Variants in CRTC3 observed in about 807,000 individuals in gnomAD.
The protein encoded by CRTC3 is CREB-regulated transcription coactivator 3.
CRTC3 carries 26 observed loss-of-function variants against 74.5 expected under a neutral mutation model. The observed-to-expected ratio is 0.35, with a 90% confidence interval of 0.26 to 0.48. CRTC3 has a LOEUF of 0.48. Ranked by LOEUF, CRTC3 falls within the 20% of genes least tolerant of loss-of-function variation. The pLI, the probability that CRTC3 is intolerant of heterozygous loss-of-function variation, is 0.99. For synonymous variants in CRTC3, 377 were observed against 325.8 expected (o/e 1.16, Z -1.69); for missense variants, 760 against 787.3 (o/e 0.97, Z 0.41).
chr15:90,634,002 CTTTTT>C (rs963198390), intron 11 of CRTC3, among the ~76,000 whole-genome samples: 2 of 147,914 alleles, frequency 1.4e-5, no homozygotes, highest in South Asian at 2.2e-4. Context: ...TTTTAGTGGT[CTTTTT>C]TTTTCGAATT....
At chr15:90,619,889 G>A in intron 9 of CRTC3, 99 bp downstream of exon 9, 2 of 971,422 alleles carry the variant, frequency 2.1e-6, no homozygotes, top group Non-Finnish European at 3.2e-6. Flanking sequence ...AACGTAACTT[G>A]CTATGCATAA....
At position 90,642,187 on chromosome 15, in the gene CRTC3, T is replaced by C. The variant is rs1288231838; in HGVS notation, c.*47T>C. ...GAATGTTTTTCTGCAACAGCCAAAA[T>C]AGAATGGAATAGAATGAAGCCAGCT... is the stretch of plus-strand genomic sequence containing the variant. On this transcript the variant is annotated 3_prime_UTR_variant, in exon 15 of 15. Transcript: ENST00000268184. The C allele has an allele frequency of 5.3e-6, 8 of 1,509,676 alleles. No individual in the cohort carries two copies. The South Asian group carries it at 5.7e-5, about 11-fold the overall frequency. 93.5% of individuals were successfully genotyped at this position (1,509,676 alleles called of 1,614,324 possible). A position where few individuals can be genotyped will look rare whatever the true frequency, so the allele number is the denominator to read the frequency against.
At chr15:90,632,856 C>T (rs966250720) in intron 11 of CRTC3, among the ~76,000 whole-genome samples, 7 of 152,204 alleles carry the variant, frequency 4.6e-5, no homozygotes, top group African/African-American at 9.6e-5. Context: ...CTGCCCGCCT[C>T]GGCGTCCCAA....
intron 6 of CRTC3, among the ~76,000 whole-genome samples, chr15:90,613,234 C>T (rs550015920): frequency 9.3e-5 from 14 of 151,170 alleles, no homozygotes; most frequent in Non-Finnish European, 1.9e-4. Flanking sequence ...CCGACTCTCA[C>T]ACCTTCTGAA....
At chr15:90,618,206 TAAA>T in intron 8 of CRTC3, 5 of 161,730 alleles carry the variant, frequency 3.1e-5, no homozygotes, top group South Asian at 1.9e-4. Flanking sequence ...TTGACTTATT[TAAA>T]AAAAAAAAAA....
chr15:90,604,873 C>G (rs1356212298), intron 5 of CRTC3, among the ~76,000 whole-genome samples: 1 of 151,974 alleles, frequency 6.6e-6, no homozygotes, highest in Non-Finnish European at 1.5e-5. Context: ...TTTTTCAATC[C>G]TGACAACACC....
chr15:90,549,355 C>G (rs531131943), intron 2 of CRTC3, among the ~76,000 whole-genome samples: 2 of 151,752 alleles, frequency 1.3e-5, no homozygotes, highest in African/African-American at 4.8e-5. Context: ...CAAATAAATT[C>G]TCAGTAAATT....
At chr15:90,590,815 A>C (rs1466468555) in intron 2 of CRTC3, among the ~76,000 whole-genome samples, 1 of 152,256 alleles carries the variant, frequency 6.6e-6, no homozygotes, top group Non-Finnish European at 1.5e-5. Context: ...AGATTAGGCC[A>C]CAGTGAAGAA....
At chr15:90,610,202 T>C (rs962911570) in intron 6 of CRTC3, among the ~76,000 whole-genome samples, 5 of 152,266 alleles carry the variant, frequency 3.3e-5, no homozygotes, top group Non-Finnish European at 5.9e-5. Flanking sequence ...TTTAAAACTA[T>C]CAACTGGCTT....
intron 3 of CRTC3, among the ~76,000 whole-genome samples, chr15:90,599,761 A>G (rs1163589248): frequency 6.6e-6 from 1 of 152,220 alleles, no homozygotes; most frequent in Non-Finnish European, 1.5e-5. Flanking sequence ...CCAGCGTTTG[A>G]TGATTACGTG....
At chr15:90,635,440 T>C (rs1306689872) in intron 11 of CRTC3, among the ~76,000 whole-genome samples, 1 of 151,920 alleles carries the variant, frequency 6.6e-6, no homozygotes, top group Non-Finnish European at 1.5e-5. Flanking sequence ...AGGTCAGGAG[T>C]TCGAGACCAG....
intron 10 of CRTC3, among the ~76,000 whole-genome samples, chr15:90,627,458 C>G (rs969006310): frequency 6.6e-6 from 1 of 152,118 alleles, no homozygotes; most frequent in African/African-American, 2.4e-5. Flanking sequence ...AAAGCAGCAT[C>G]AGCACATAGC....
rs146273285 is a variant in CRTC3 at position 90,579,634 on chromosome 15, C to CTTTTTTTT, written c.232-13984_232-13977dup. Among the ~76,000 whole-genome samples the CTTTTTTTT allele has an allele frequency of 7.5e-3, 634 of 84,164 alleles. 52 individuals carry two copies. The highest frequency in any genetic ancestry group is 0.015 in the African/African-American group (310 of 21,148). The allele number at this position is 84,164 out of a possible 152,430, so 55.2% of individuals were successfully genotyped here. A position where few individuals can be genotyped will look rare whatever the true frequency, so the allele number is the denominator to read the frequency against. ...GATTACATGGAGTAAACGTATTTCA[C>CTTTTTTTT]TTTTTTTTTTTTTTTTTTTTTTTTT... On this transcript the variant is annotated intron_variant, in intron 2 of 14. Transcript: ENST00000268184.
At chr15:90,632,165 A>G (rs1969062995) in intron 11 of CRTC3, among the ~76,000 whole-genome samples, 1 of 150,786 alleles carries the variant, frequency 6.6e-6, no homozygotes, top group Non-Finnish European at 1.5e-5. Context: ...TTATTGAATT[A>G]CCTTTAATTT....
chr15:90,627,136 G>C (rs11856388), intron 10 of CRTC3, among the ~76,000 whole-genome samples: 30,758 of 152,180 alleles, frequency 0.2, 3,212 homozygotes, highest in African/African-American at 0.26. Flanking sequence ...TCCCCTTCAG[G>C]GGGGGTCACC....
rs940327182 is a variant in CRTC3, at chr15:90,642,541, G to A, written c.*401G>A. The A allele has an allele frequency of 6.6e-5, 21 of 318,604 alleles. No individual in the cohort carries two copies. Among genetic ancestry groups the A allele is most frequent in the South Asian group, 2.1e-4 (4 of 19,132 alleles). The allele number at this position is 318,604 out of a possible 1,614,324, so 19.7% of individuals were successfully genotyped here. A position where few individuals can be genotyped will look rare whatever the true frequency, so the allele number is the denominator to read the frequency against. ...CTCCGTCCGCACCGAAGGCGGGCCC[G>A]GAGTGGGAGGCTCGGCCTGGGGCGG... On this transcript the variant is annotated 3_prime_UTR_variant, in exon 15 of 15. Transcript: ENST00000268184.
chr15:90,586,271 A>G (rs1019061527), intron 2 of CRTC3, among the ~76,000 whole-genome samples: 5 of 151,650 alleles, frequency 3.3e-5, no homozygotes, highest in African/African-American at 9.7e-5. Flanking sequence ...GGTATTCTGG[A>G]TCAATACTTT....
At chr15:90,568,233 A>G (rs1967170476) in intron 2 of CRTC3, among the ~76,000 whole-genome samples, 1 of 152,228 alleles carries the variant, frequency 6.6e-6, no homozygotes, top group Non-Finnish European at 1.5e-5. Context: ...GAGCAAAGAA[A>G]GTGGTTTCTA....
intron 3 of CRTC3, among the ~76,000 whole-genome samples, chr15:90,599,840 T>C (rs8030781): frequency 0.66 from 100,975 of 152,164 alleles, 33,970 homozygotes; most frequent in South Asian, 0.78. Context: ...AGTTTAAAGA[T>C]GGCAGTGTAC....
Sources: allele counts gnomAD v4.1 joint callset (sites outside exome capture counted in the v4.1 genomes callset), GRCh38; gene constraint gnomAD v4.1.1; transcripts MANE v1.5; gene names NCBI Gene and HGNC (gene_info 2026-07-23, HGNC 2026-07-21).